LRBA: variants seen among roughly 807,000 people sequenced by gnomAD.
LRBA encodes LPS responsive beige-like anchor protein, also known as lipopolysaccharide-responsive and beige-like anchor protein.
A neutral mutation model predicts 330.0 loss-of-function variants in LRBA; 176 were observed. The ratio of observed to expected loss-of-function variants is 0.53; its 90% CI spans 0.47 to 0.60. The LOEUF is 0.60. Ranked by LOEUF, LRBA falls within the 20% of genes least tolerant of loss-of-function variation. The probability of loss-of-function intolerance (pLI) is 0.00; values close to 1 mark genes in which losing one functional copy is unlikely to be tolerated. For missense variants in LRBA, 3,259 were observed against 3,444.8 expected (o/e 0.95, Z 1.35); for synonymous variants, 1,230 against 1,193.0 (o/e 1.03, Z -0.64).
Position 150,626,034 on chromosome 4 carries a change from T to A in LRBA, c.5922-26903A>T, listed in dbSNP as rs558366554. On this transcript the variant is annotated intron_variant, in intron 37 of 56. Coordinates refer to ENST00000651943, the MANE Select transcript of LRBA (RefSeq NM_001364905.1). ...TTGGAAGCTTTCCATGGGATTCTAA[T>A]GTCTAGCCAGGATGAAAAAACAATT... Among the ~76,000 whole-genome samples, 6 of 152,040 alleles carry A rather than the reference T, an allele frequency of 3.9e-5. No homozygotes were observed. The South Asian group carries it at 1.2e-3, about 32-fold the overall frequency.
chr4:150,339,830 C>G (rs1035935103), intron 48 of LRBA, among the ~76,000 whole-genome samples: 1 of 149,254 alleles, frequency 6.7e-6, no homozygotes, highest in Admixed American at 6.7e-5. Context: ...TGGAAATTTA[C>G]GTTGCTCCTT....
chr4:150,995,571 T>A (rs1188919878), intron 2 of LRBA, among the ~76,000 whole-genome samples: 1 of 152,074 alleles, frequency 6.6e-6, no homozygotes, highest in Non-Finnish European at 1.5e-5. Flanking sequence ...TTACAATTGC[T>A]TATTGATAGT....
rs542733675 is a variant in LRBA, at chr4:150,451,530, A to G, written c.6781-14666T>C. Among the ~76,000 whole-genome samples, 3 of 152,280 alleles carry G rather than the reference A, an allele frequency of 2.0e-5. No homozygotes were observed. The South Asian group carries it at 6.2e-4, about 32-fold the overall frequency. On this transcript the variant is annotated intron_variant, in intron 44 of 56. Coordinates refer to ENST00000651943, the MANE Select transcript of LRBA (RefSeq NM_001364905.1). ...GGATGAAAATAAAAACAATATATAA[A>G]AATGTGTTGGACCCAGCTAAATCAG...
At chr4:150,859,681 A>G (rs1435970874) in intron 22 of LRBA, among the ~76,000 whole-genome samples, 1 of 152,234 alleles carries the variant, frequency 6.6e-6, no homozygotes, top group Non-Finnish European at 1.5e-5. Flanking sequence ...AGGTGGCAGG[A>G]AATCTATCAA....
At chr4:150,471,588 T>C (rs368516412) in intron 43 of LRBA, 36 bp downstream of exon 43, 22 of 1,154,852 alleles carry the variant, frequency 1.9e-5, no homozygotes, top group Non-Finnish European at 2.8e-5. Flanking sequence ...TAATAATTTA[T>C]TGTCTAAAAT....
intron 11 of LRBA, among the ~76,000 whole-genome samples, chr4:150,907,434 T>C (rs1170787932): frequency 6.6e-6 from 1 of 151,876 alleles, no homozygotes; most frequent in Non-Finnish European, 1.5e-5. Context: ...CCATAAAGTA[T>C]TAATATGTCA....
chr4:150,660,913 T>TCAGGGACACAAACA (rs1342199206), intron 37 of LRBA, among the ~76,000 whole-genome samples: 3 of 117,722 alleles, frequency 2.5e-5, no homozygotes, highest in Admixed American at 8.8e-5. Context: ...TCTCAAGTAA[T>TCAGGGACACAAACA]CAGGGACACA....
chr4:150,583,708 A>G lies in LRBA; in HGVS notation c.6330+4340T>C. On this transcript the variant is annotated intron_variant, in intron 40 of 56. Transcript: ENST00000651943. This position sits in a 1 kb window ranked among gnomAD's most constrained non-coding sequence, Gnocchi z 9.8. Reference sequence around the variant, plus strand: ...GACCGGCAAGCAGAGCTCGGCAGAGAGCGACGCCTGGGTGCTACAGTTCGG... The same window carrying G: ...GACCGGCAAGCAGAGCTCGGCAGAGGGCGACGCCTGGGTGCTACAGTTCGG... 1.2e-6 allele frequency: 2 copies of G among 1,613,444 alleles called. No homozygotes were observed. The highest frequency in any genetic ancestry group is 1.7e-6 in the Non-Finnish European group (2 of 1,179,780).
At chr4:150,858,712 G>C (rs1751521297) in intron 22 of LRBA, among the ~76,000 whole-genome samples, 1 of 152,054 alleles carries the variant, frequency 6.6e-6, no homozygotes, top group African/African-American at 2.4e-5. Flanking sequence ...ATTTTTAGTA[G>C]AGACAGGGTT....
intron 50 of LRBA, among the ~76,000 whole-genome samples, chr4:150,320,006 A>G (rs1732263631): frequency 6.6e-6 from 1 of 152,188 alleles, no homozygotes; most frequent in Admixed American, 6.5e-5. Flanking sequence ...TACCTAAAAC[A>G]ACGGCTTGGG....
rs146250405 is a variant in LRBA, at chr4:150,583,067, A to G, written c.6330+4981T>C. ...CAGGCCAAGCTGGTTTACCAGCTCA[A>G]TAAGTACTACACTGAGCGCTGTCAG... On this transcript the variant is annotated intron_variant, in intron 40 of 56. Transcript: ENST00000651943. This position sits in a 1 kb window ranked among gnomAD's most constrained non-coding sequence, Gnocchi z 9.8. The G allele has an allele frequency of 2.9e-5, 46 of 1,611,738 alleles. No individual in the cohort carries two copies. The highest frequency in any genetic ancestry group is 1.3e-4 in the South Asian group (12 of 90,906).
At chr4:150,316,773 A>G (rs1033054696) in intron 50 of LRBA, among the ~76,000 whole-genome samples, 1 of 152,144 alleles carries the variant, frequency 6.6e-6, no homozygotes. Flanking sequence ...AAATAGTGAA[A>G]GTATGGAGAT....
intron 35 of LRBA, among the ~76,000 whole-genome samples, chr4:150,742,770 C>T (rs186071582): frequency 8.5e-5 from 13 of 152,162 alleles, no homozygotes; most frequent in African/African-American, 2.4e-4. Context: ...TGGTGGTACA[C>T]ATCTGTAGTC....
At chr4:150,614,334 T>C (rs979108510) in intron 37 of LRBA, among the ~76,000 whole-genome samples, 1 of 152,062 alleles carries the variant, frequency 6.6e-6, no homozygotes. Context: ...TGCAGATAAA[T>C]AGAAAATTAG....
intron 35 of LRBA, among the ~76,000 whole-genome samples, chr4:150,746,696 C>T (rs977829266): frequency 4.0e-5 from 6 of 151,758 alleles, no homozygotes; most frequent in African/African-American, 1.5e-4. Flanking sequence ...ATTTTTAGTA[C>T]AGACAGGGTT....
At chr4:150,288,400 G>A (rs967529608) in intron 53 of LRBA, among the ~76,000 whole-genome samples, 5 of 152,210 alleles carry the variant, frequency 3.3e-5, no homozygotes, top group East Asian at 3.9e-4. Flanking sequence ...CTGAGGTTAC[G>A]AGTTAGAGAC....
intron 33 of LRBA, among the ~76,000 whole-genome samples, chr4:150,798,771 A>G (rs1005035271): frequency 1.3e-5 from 2 of 152,176 alleles, no homozygotes; most frequent in Non-Finnish European, 2.9e-5. Context: ...ATACCTATTT[A>G]AAGAAGTCTT....
At position 150,687,164 on chromosome 4, in the gene LRBA, T is replaced by C. The variant is rs528907623; in HGVS notation, c.5755-3447A>G. On this transcript the variant is annotated intron_variant, in intron 36 of 56. Coordinates refer to ENST00000651943, the MANE Select transcript of LRBA (RefSeq NM_001364905.1). ...GATATAATGAACTTGTAATATTTTTTAAATGTCCTTATAATGTAATTTGAA... is the reference window on the plus strand; with the variant it reads ...GATATAATGAACTTGTAATATTTTTCAAATGTCCTTATAATGTAATTTGAA... 5.9e-5 allele frequency among the ~76,000 whole-genome samples: 9 copies of C among 152,282 alleles called. No homozygotes were observed. The South Asian group carries it at 1.9e-3, about 32-fold the overall frequency.
Position 150,274,041 on chromosome 4 carries a change from T to C in LRBA, c.8468+3812A>G, listed in dbSNP as rs904884940. ...GCACCACACTGCACTTATTCTAAAA[T>C]TGACCACATAATTGAAAGTAAAACA... On this transcript the variant is annotated intron_variant, in intron 56 of 56. Coordinates refer to ENST00000651943, the MANE Select transcript of LRBA (RefSeq NM_001364905.1). Among the ~76,000 whole-genome samples the C allele has an allele frequency of 5.9e-5, 9 of 152,156 alleles. No individual in the cohort carries two copies. In the South Asian group the frequency reaches 6.2e-4, roughly 11 times the overall value.
Sources: gnomAD v4.1 joint callset for allele counts (sites outside exome capture counted in the v4.1 genomes callset) on GRCh38, gnomAD v4.1.1 for gene constraint, Gnocchi (gnomAD v3.1) non-coding constraint, MANE v1.5 for transcripts, NCBI Gene and HGNC (gene_info 2026-07-23, HGNC 2026-07-21) for gene names.